The following DIP2B variants were observed in gnomAD, a reference collection of about 807,000 sequenced individuals.
The protein encoded by DIP2B is DIP2 acetate--CoA ligase B (putative).
A neutral mutation model predicts 198.0 loss-of-function variants in DIP2B; 76 were observed. That is an observed-to-expected ratio of 0.38 (90% CI 0.32 to 0.46). The LOEUF (loss-of-function observed/expected upper bound fraction) is 0.46. Among genes scored for constraint, DIP2B ranks in the 20% least tolerant of loss-of-function variants. The pLI is 0.99. For missense variants in DIP2B, 1,559 were observed against 1,978.4 expected, an observed-to-expected ratio of 0.79 and a Z score of 4.02; for synonymous variants, 701 against 739.1, an observed-to-expected ratio of 0.95 and a Z score of 0.84.
intron 2 of DIP2B, 83 bp from the exon 3 acceptor site, chr12:50,640,641 T>C: frequency 6.8e-7 from 1 of 1,464,836 alleles, no homozygotes; most frequent in Non-Finnish European, 9.4e-7. Context: ...TAGCTCAGAG[T>C]ATTGTGAGAA....
chr12:50,605,170 G>T (rs1489493114), intron 1 of DIP2B, among the ~76,000 whole-genome samples: 1 of 152,076 alleles, frequency 6.6e-6, no homozygotes, highest in Admixed American at 6.6e-5. Flanking sequence ...CTTTATTGAG[G>T]TATAATTCAC....
Position 50,697,161 on chromosome 12 carries a change from T to C in DIP2B, c.2034T>C (p.Thr678=), listed in dbSNP as rs775465152. The change falls in exon 17 of 38, where the codon ACT becomes ACC. Residue 678 remains threonine, a synonymous_variant. Coordinates refer to ENST00000301180, the MANE Select transcript of DIP2B (RefSeq NM_173602.3). ...GCGCCACGTCTGCTGAAGCCATGAC[T>C]GTAGCAATCCGCAGGTACTGTTCAG... The part of the protein sequence containing the change: ...CPCATSAEAM[T]VAIRRPGVPG... 6.2e-7 allele frequency: 1 copy of C among 1,614,054 alleles called. No individual in the cohort carries two copies. Among genetic ancestry groups the C allele is most frequent in the Non-Finnish European group, 8.5e-7 (1 of 1,179,940 alleles).
chr12:50,675,180 CTTG>C (rs750689339), intron 6 of DIP2B, 146 bp from the exon 7 acceptor site: 7 of 832,984 alleles, frequency 8.4e-6, no homozygotes, highest in South Asian at 6.8e-5. Flanking sequence ...TGTCATAAAA[CTTG>C]TTGTGTACAT....
chr12:50,579,365 C>T (rs1391336512), intron 1 of DIP2B, among the ~76,000 whole-genome samples: 1 of 151,692 alleles, frequency 6.6e-6, no homozygotes, highest in Non-Finnish European at 1.5e-5. Context: ...GTAATCCCAA[C>T]ACTTTGGGAG....
At chr12:50,605,641 T>C (rs1958974627) in intron 1 of DIP2B, among the ~76,000 whole-genome samples, 1 of 152,180 alleles carries the variant, frequency 6.6e-6, no homozygotes, top group Non-Finnish European at 1.5e-5. Context: ...CCTGAATCTA[T>C]TTCTTTGTCT....
intron 1 of DIP2B, among the ~76,000 whole-genome samples, chr12:50,552,221 C>T (rs1366902371): frequency 2.0e-5 from 3 of 151,442 alleles, no homozygotes; most frequent in Non-Finnish European, 4.4e-5. Context: ...AGATCCTTTG[C>T]CCGTTTTTTA....
intron 4 of DIP2B, among the ~76,000 whole-genome samples, chr12:50,666,490 T>C (rs1256123650): frequency 6.6e-6 from 1 of 152,154 alleles, no homozygotes; most frequent in African/African-American, 2.4e-5. Context: ...TGTAACCAGC[T>C]TTTTAAAAAA....
At chr12:50,705,473 G>T (rs1261247055) in intron 20 of DIP2B, among the ~76,000 whole-genome samples, 1 of 152,216 alleles carries the variant, frequency 6.6e-6, no homozygotes, top group Non-Finnish European at 1.5e-5. Context: ...GAAAGGTGCA[G>T]TCCTCCTCTT....
chr12:50,670,428 G>C (rs1938831309), intron 4 of DIP2B, among the ~76,000 whole-genome samples: 1 of 151,718 alleles, frequency 6.6e-6, no homozygotes, highest in Non-Finnish European at 1.5e-5. Context: ...TTTTGTTTTT[G>C]TTTTTGAGTT....
chr12:50,734,212 T>C lies in DIP2B; in HGVS notation c.4043+16T>C, dbSNP rs758261241. On this transcript the variant is annotated intron_variant, in intron 33 of 37. Transcript: ENST00000301180. ...GACATGACAGGTACAACAGATTTAT[T>C]AATGCTCCTTTCCTACTAGTTCCTA... 1.2e-6 allele frequency: 2 copies of C among 1,613,746 alleles called. No individual in the cohort carries two copies. The highest frequency in any genetic ancestry group is 1.1e-5 in the South Asian group (1 of 91,052).
chr12:50,692,202 C>T (rs942072926), intron 13 of DIP2B, among the ~76,000 whole-genome samples: 30 of 151,730 alleles, frequency 2.0e-4, no homozygotes, highest in Non-Finnish European at 2.5e-4. Context: ...GCTTTGTATA[C>T]CAGTTTGTCA....
chr12:50,507,673 A>C (rs1220402435), intron 1 of DIP2B, among the ~76,000 whole-genome samples: 1 of 152,172 alleles, frequency 6.6e-6, no homozygotes, highest in Non-Finnish European at 1.5e-5. Flanking sequence ...CTGGGATTAC[A>C]GGCAAGCGCC....
intron 32 of DIP2B, among the ~76,000 whole-genome samples, chr12:50,733,254 CTTTT>C (rs10538769): frequency 1.5e-5 from 2 of 137,318 alleles, no homozygotes; most frequent in South Asian, 2.3e-4. Context: ...TTTTTTCTTT[CTTTT>C]TTTTTTTTTT....
rs1307329102 is a variant in DIP2B at position 50,706,663 on chromosome 12, A to T, written c.2532A>T (p.Gly844=). 6.2e-7 allele frequency: 1 copy of T among 1,613,876 alleles called. No individual in the cohort carries two copies. Among genetic ancestry groups the T allele is most frequent in the South Asian group, 1.1e-5 (1 of 91,058 alleles). ...AATCAATAAAGACTGTTTATAGAGG[A>T]AGGTGAGTAGTACAAAATTCAAATG... ...AVESIKTVYR[G]RIAVFSVSVF... Residue 844 remains glycine (G), a splice_region_variant and synonymous_variant, in exon 21 of 38, where the codon GGA becomes GGT. Coordinates refer to ENST00000301180, the MANE Select transcript of DIP2B (RefSeq NM_173602.3).
chr12:50,644,432 T>C (rs1197109554), intron 3 of DIP2B, among the ~76,000 whole-genome samples: 1 of 152,212 alleles, frequency 6.6e-6, no homozygotes, highest in African/African-American at 2.4e-5. Context: ...TCGTATTACC[T>C]TATTCAGCTC....
chr12:50,643,850 T>G (rs1185719394), intron 3 of DIP2B, among the ~76,000 whole-genome samples: 1 of 152,176 alleles, frequency 6.6e-6, no homozygotes, highest in Non-Finnish European at 1.5e-5. Flanking sequence ...GAGCTGACCT[T>G]ATATCTGTTT....
At chr12:50,671,991 G>GT (rs1318484544) in intron 5 of DIP2B, among the ~76,000 whole-genome samples, 2 of 152,048 alleles carry the variant, frequency 1.3e-5, no homozygotes, top group Non-Finnish European at 2.9e-5. Context: ...TTGTGTGTGT[G>GT]TTTTTTTAAA....
chr12:50,731,453 G>A lies in DIP2B; in HGVS notation c.3726G>A (p.Gln1242=), dbSNP rs149313935. 1.6e-5 allele frequency: 26 copies of A among 1,614,014 alleles called. No homozygotes were observed. The highest frequency in any genetic ancestry group is 2.0e-5 in the Non-Finnish European group (24 of 1,180,018). Reference sequence around the variant, plus strand: ...TCCTCTGGCTCTCCACAGTCAACCAGTACAAAATAAGGGACACTTTCTGCT... The same window carrying A: ...TCCTCTGGCTCTCCACAGTCAACCAATACAAAATAAGGGACACTTTCTGCT... The part of the protein sequence containing the change: ...NLFLWLSTVN[Q]YKIRDTFCSY... Residue 1242 remains glutamine, a synonymous_variant, in exon 31 of 38, where the codon CAG becomes CAA. Coordinates refer to ENST00000301180, the MANE Select transcript of DIP2B (RefSeq NM_173602.3).
At chr12:50,741,384 A>C (rs1975351) in intron 36 of DIP2B, 32 bp from the exon 37 acceptor site, 1 of 1,608,828 alleles carries the variant, frequency 6.2e-7, no homozygotes, top group Non-Finnish European at 8.5e-7. Flanking sequence ...GTATATGTCC[A>C]AGCCACATTT....
Sources: gnomAD v4.1 joint callset for allele counts (sites outside exome capture counted in the v4.1 genomes callset) on GRCh38, gnomAD v4.1.1 for gene constraint, MANE v1.5 for transcripts, NCBI Gene and HGNC (gene_info 2026-07-23, HGNC 2026-07-21) for gene names.